ST7: variants seen among roughly 807,000 people sequenced by gnomAD.
ST7 encodes the protein suppression of tumorigenicity 7.
ST7 carries 28 observed loss-of-function variants against 78.7 expected under a neutral mutation model. That is an observed-to-expected ratio of 0.36 (90% CI 0.26 to 0.49). The LOEUF (loss-of-function observed/expected upper bound fraction) is 0.49. Among genes scored for constraint, ST7 ranks in the 20% least tolerant of loss-of-function variants. The pLI is 0.99. For synonymous variants in ST7, 247 were observed against 249.6 expected, an observed-to-expected ratio of 0.99 and a Z score of 0.10; for missense variants, 418 against 696.0, an observed-to-expected ratio of 0.60 and a Z score of 4.49.
intron 3 of ST7, among the ~76,000 whole-genome samples, chr7:117,125,141 A>T (rs929249240): frequency 6.6e-6 from 1 of 152,152 alleles, no homozygotes; most frequent in African/African-American, 2.4e-5. Context: ...TGACACTAAA[A>T]TTTGTGCTCT....
At chr7:116,975,601 T>C (rs941676483) in intron 1 of ST7, among the ~76,000 whole-genome samples, 1 of 151,656 alleles carries the variant, frequency 6.6e-6, no homozygotes, top group African/African-American at 2.4e-5. Flanking sequence ...AGAGACAGAG[T>C]TTCATCATGT....
At chr7:116,992,946 A>G (rs1794493115) in intron 1 of ST7, among the ~76,000 whole-genome samples, 1 of 152,188 alleles carries the variant, frequency 6.6e-6, no homozygotes, top group African/African-American at 2.4e-5. Flanking sequence ...GGTAAAACAT[A>G]ATAAGAGTCG....
intron 1 of ST7, among the ~76,000 whole-genome samples, chr7:117,016,887 G>C (rs1318082781): frequency 6.6e-6 from 1 of 152,132 alleles, no homozygotes; most frequent in African/African-American, 2.4e-5. Context: ...TTTTGTATTA[G>C]AAAAGAGCAT....
At chr7:117,102,275 G>C (rs1482937442) in intron 2 of ST7, among the ~76,000 whole-genome samples, 1 of 152,194 alleles carries the variant, frequency 6.6e-6, no homozygotes, top group African/African-American at 2.4e-5. Flanking sequence ...GCGGGGGCAG[G>C]AACTCTTGGC....
intron 1 of ST7, among the ~76,000 whole-genome samples, chr7:116,981,689 C>T (rs1383293367): frequency 1.3e-5 from 2 of 152,142 alleles, no homozygotes; most frequent in Non-Finnish European, 2.9e-5. Flanking sequence ...TAATGACAAT[C>T]CCTCCTTTCT....
intron 1 of ST7, among the ~76,000 whole-genome samples, chr7:117,013,436 G>A (rs1280003140): frequency 3.9e-5 from 6 of 152,206 alleles, no homozygotes; most frequent in African/African-American, 9.6e-5. Flanking sequence ...AACAGCTTTT[G>A]ACTGTAGCAG....
chr7:117,002,813 CTTT>C (rs397970060), intron 1 of ST7, among the ~76,000 whole-genome samples: 7 of 72,154 alleles, frequency 9.7e-5, no homozygotes, highest in East Asian at 5.1e-4. Context: ...ATTTTTTTTC[CTTT>C]TTTTTTTTTT....
At chr7:117,152,125 AAAT>A (rs951527539) in intron 9 of ST7, among the ~76,000 whole-genome samples, 2 of 143,390 alleles carry the variant, frequency 1.4e-5, no homozygotes, top group Non-Finnish European at 3.0e-5. Flanking sequence ...TCTCAAAAAA[AAAT>A]AATAATAATT....
At chr7:116,995,472 G>C (rs1193142797) in intron 1 of ST7, among the ~76,000 whole-genome samples, 1 of 152,206 alleles carries the variant, frequency 6.6e-6, no homozygotes, top group Admixed American at 6.5e-5. Context: ...GAGGTGATAT[G>C]ATGGGCTAGA....
intron 1 of ST7, chr7:117,073,062 G>A (rs750692954): frequency 3.3e-5 from 5 of 152,168 alleles, no homozygotes; most frequent in African/African-American, 4.8e-5. Flanking sequence ...GAAACATTGC[G>A]GCTGCGCTTC....
chr7:116,998,113 G>A (rs1794753108), intron 1 of ST7, among the ~76,000 whole-genome samples: 1 of 152,226 alleles, frequency 6.6e-6, no homozygotes. Flanking sequence ...GCTCGGGCAT[G>A]GCAGGCTGCA....
chr7:117,100,649 TA>T lies in ST7; in HGVS notation c.234+813del, dbSNP rs993476149. Among the ~76,000 whole-genome samples, 10 of 151,920 alleles carry T rather than the reference TA, an allele frequency of 6.6e-5. 1 individual carries two copies. Among genetic ancestry groups the T allele is most frequent in the Admixed American group, 2.0e-4 (3 of 15,240 alleles). On this transcript the variant is annotated intron_variant, in intron 2 of 15. Coordinates refer to ENST00000323984, the MANE Select transcript of ST7 (RefSeq NM_001369598.1). The stretch of plus-strand genomic sequence containing the variant: ...ACATTTATTTATGCATTGCTTCCTT[TA>T]AAAAAAATCCCTAAAATGCAAAAAA...
chr7:116,980,792 A>G (rs148314149), intron 1 of ST7, among the ~76,000 whole-genome samples: 1 of 152,362 alleles, frequency 6.6e-6, no homozygotes, highest in African/African-American at 2.4e-5. Context: ...ACAAACAAAG[A>G]TGTTCTTCAA....
At chr7:117,225,584 C>G (rs1399738061) in intron 15 of ST7, among the ~76,000 whole-genome samples, 1 of 152,148 alleles carries the variant, frequency 6.6e-6, no homozygotes, top group Non-Finnish European at 1.5e-5. Flanking sequence ...TCAGGCCCCT[C>G]CCGAAGCTCC....
At chr7:116,998,047 G>A (rs963001867) in intron 1 of ST7, among the ~76,000 whole-genome samples, 3 of 152,228 alleles carry the variant, frequency 2.0e-5, no homozygotes, top group East Asian at 1.9e-4. Context: ...GGAGCGGGGC[G>A]CGGTGCTTGT....
chr7:117,117,102 A>C (rs1184846109), intron 2 of ST7, among the ~76,000 whole-genome samples: 1 of 152,158 alleles, frequency 6.6e-6, no homozygotes, highest in African/African-American at 2.4e-5. Flanking sequence ...AGGCTAAGTG[A>C]CTATTTAATT....
intron 1 of ST7, among the ~76,000 whole-genome samples, chr7:116,963,506 C>T (rs369155541): frequency 1.3e-4 from 20 of 152,158 alleles, no homozygotes; most frequent in African/African-American, 4.8e-4. Context: ...ATTGCAGTTA[C>T]CAAATCTCTC....
At chr7:117,050,453 C>A (rs1797722771) in intron 1 of ST7, among the ~76,000 whole-genome samples, 1 of 152,190 alleles carries the variant, frequency 6.6e-6, no homozygotes, top group Admixed American at 6.5e-5. Context: ...TTTCATCCTG[C>A]ATCTTTACAA....
At chr7:117,158,109 T>C (rs1247974908) in intron 9 of ST7, among the ~76,000 whole-genome samples, 9 of 152,164 alleles carry the variant, frequency 5.9e-5, no homozygotes, top group Non-Finnish European at 1.2e-4. Context: ...AAAACAGTGG[T>C]GCTGTCAGAC....
Sources: gnomAD v4.1 joint callset for allele counts (sites outside exome capture counted in the v4.1 genomes callset) on GRCh38, gnomAD v4.1.1 for gene constraint, MANE v1.5 for transcripts, NCBI Gene and HGNC (gene_info 2026-07-23, HGNC 2026-07-21) for gene names.